The following DOCK10 variants were observed in gnomAD, a reference collection of about 807,000 sequenced individuals.
DOCK10 encodes the protein dedicator of cytokinesis protein 10.
Under a neutral mutation model 280.1 loss-of-function variants are expected in DOCK10, and 145 were observed. The observed-to-expected ratio is 0.52, with a 90% CI of 0.45 to 0.59. The LOEUF (loss-of-function observed/expected upper bound fraction) is 0.59, where lower values mean the gene tolerates loss of function less well. Among genes scored for constraint, DOCK10 ranks in the 20% least tolerant of loss-of-function variants. The pLI is 0.00. For missense variants in DOCK10, 2,368 were observed against 2,651.7 expected, an observed-to-expected ratio of 0.89 and a Z score of 2.35; for synonymous variants, 915 against 942.2, an observed-to-expected ratio of 0.97 and a Z score of 0.53.
intron 31 of DOCK10, among the ~76,000 whole-genome samples, chr2:224,812,642 T>C (rs1693857461): frequency 1.3e-5 from 2 of 152,216 alleles, no homozygotes; most frequent in South Asian, 4.1e-4. Flanking sequence ...TTAGCTCTTA[T>C]TATTTTGAGA....
chr2:224,946,605 T>A (rs1163021385), intron 1 of DOCK10, among the ~76,000 whole-genome samples: 1 of 152,190 alleles, frequency 6.6e-6, no homozygotes, highest in Non-Finnish European at 1.5e-5. Context: ...TATAGTAATG[T>A]TTTAATGATT....
chr2:224,871,932 T>A (rs1698314067), intron 11 of DOCK10, among the ~76,000 whole-genome samples: 1 of 152,218 alleles, frequency 6.6e-6, no homozygotes, highest in South Asian at 2.1e-4. Flanking sequence ...AAGAATCTAA[T>A]CTTCAAGACA....
intron 1 of DOCK10, among the ~76,000 whole-genome samples, chr2:224,958,323 A>G (rs181722425): frequency 8.7e-4 from 132 of 152,178 alleles, no homozygotes; most frequent in Admixed American, 4.1e-3. Context: ...TAGGAGGAGG[A>G]GCTCCGGGCA....
chr2:224,938,924 G>A (rs1331394021), intron 1 of DOCK10, among the ~76,000 whole-genome samples: 2 of 152,162 alleles, frequency 1.3e-5, no homozygotes, highest in South Asian at 2.1e-4. Context: ...ATTAAGTAAA[G>A]AATAAGCCAT....
intron 1 of DOCK10, among the ~76,000 whole-genome samples, chr2:225,000,890 C>T (rs747253016): frequency 2.6e-5 from 4 of 152,150 alleles, no homozygotes; most frequent in Admixed American, 6.5e-5. Flanking sequence ...GCAGGAGGAT[C>T]GCTTGAACTG....
intron 17 of DOCK10, among the ~76,000 whole-genome samples, chr2:224,852,699 CG>C (rs1559562952): frequency 6.6e-6 from 1 of 151,980 alleles, no homozygotes; most frequent in African/African-American, 2.4e-5. Flanking sequence ...AAAAAATAGT[CG>C]AACAAAATTA....
intron 1 of DOCK10, among the ~76,000 whole-genome samples, chr2:224,943,001 G>A (rs1703180287): frequency 6.6e-6 from 1 of 152,016 alleles, no homozygotes; most frequent in Non-Finnish European, 1.5e-5. Context: ...AATTTAGGAA[G>A]GAAATGATCT....
At chr2:224,772,683 T>C (rs181449139) in intron 53 of DOCK10, among the ~76,000 whole-genome samples, 264 of 152,306 alleles carry the variant, frequency 1.7e-3, no homozygotes, top group African/African-American at 6.0e-3. Flanking sequence ...ATTTACTCTA[T>C]CCTCCTCAAT....
intron 29 of DOCK10, among the ~76,000 whole-genome samples, chr2:224,818,712 T>C (rs1308708887): frequency 6.6e-6 from 1 of 152,182 alleles, no homozygotes; most frequent in Non-Finnish European, 1.5e-5. Context: ...CCTGCTCTTT[T>C]CAAAGCCTGC....
chr2:224,826,771 CTATCT>C (rs926632959), intron 27 of DOCK10, among the ~76,000 whole-genome samples: 3 of 151,746 alleles, frequency 2.0e-5, no homozygotes, highest in East Asian at 1.9e-4. Flanking sequence ...ATCTATCTAT[CTATCT>C]ATCTATCTAT....
At chr2:224,844,290 C>T (rs1696180134) in intron 22 of DOCK10, among the ~76,000 whole-genome samples, 1 of 152,132 alleles carries the variant, frequency 6.6e-6, no homozygotes, top group African/African-American at 2.4e-5. Flanking sequence ...GTCACCATGC[C>T]TGACTAATTT....
At chr2:224,986,792 A>G (rs1705986090) in intron 1 of DOCK10, among the ~76,000 whole-genome samples, 1 of 152,266 alleles carries the variant, frequency 6.6e-6, no homozygotes, top group South Asian at 2.1e-4. Flanking sequence ...TATTGTTTAA[A>G]CCACCTAGTC....
intron 30 of DOCK10, among the ~76,000 whole-genome samples, chr2:224,814,603 C>A (rs930488602): frequency 6.6e-6 from 1 of 152,138 alleles, no homozygotes; most frequent in Non-Finnish European, 1.5e-5. Flanking sequence ...CTGACTGCAA[C>A]CTCTGCCTCC....
At chr2:224,769,593 TTTTAGCCACCCAAAAAGTACTG>T (rs1690280711) in intron 55 of DOCK10, among the ~76,000 whole-genome samples, 1 of 152,142 alleles carries the variant, frequency 6.6e-6, no homozygotes, top group Non-Finnish European at 1.5e-5. Flanking sequence ...ACCAGTTGAT[TTTTAGCCACCCAAAAAGTACTG>T]AGATGACTGA....
chr2:224,775,756 A>T (rs116414864), intron 51 of DOCK10, among the ~76,000 whole-genome samples: 2,724 of 152,288 alleles, frequency 0.018, 73 homozygotes, highest in African/African-American at 0.057. Flanking sequence ...ATTAGAGCCA[A>T]GGGCCACTGC....
intron 16 of DOCK10, among the ~76,000 whole-genome samples, chr2:224,854,410 C>G (rs1696964073): frequency 6.6e-6 from 1 of 152,122 alleles, no homozygotes; most frequent in South Asian, 2.1e-4. Flanking sequence ...TATATGTTCT[C>G]TGTATAATAA....
intron 25 of DOCK10, among the ~76,000 whole-genome samples, chr2:224,837,212 G>A (rs758753081): frequency 9.2e-5 from 14 of 152,188 alleles, no homozygotes; most frequent in African/African-American, 1.9e-4. Context: ...GAATAGAAGC[G>A]TCTCTGAGTG....
chr2:224,880,908 C>T (rs933503073), intron 7 of DOCK10, among the ~76,000 whole-genome samples: 7 of 151,308 alleles, frequency 4.6e-5, no homozygotes, highest in Admixed American at 1.3e-4. Context: ...TTTCTGGTAT[C>T]GATGGCTCCC....
At chr2:224,957,008 G>A (rs1365245067) in intron 1 of DOCK10, among the ~76,000 whole-genome samples, 2 of 152,188 alleles carry the variant, frequency 1.3e-5, no homozygotes, top group African/African-American at 4.8e-5. Context: ...CTCAGGTATT[G>A]TCTAAATCAG....
Sources: allele counts gnomAD v4.1 joint callset (sites outside exome capture counted in the v4.1 genomes callset), GRCh38; gene constraint gnomAD v4.1.1; transcripts MANE v1.5; gene names NCBI Gene and HGNC (gene_info 2026-07-23, HGNC 2026-07-21).